CALCR: variants seen among roughly 807,000 people sequenced by gnomAD.
CALCR encodes calcitonin receptor.
In CALCR, 47 loss-of-function variants were observed where a neutral mutation model predicts 59.5. The observed-to-expected ratio is 0.79, with a 90% confidence interval of 0.63 to 1.01. The LOEUF is 1.01. Among genes scored for constraint, CALCR ranks in the 50% least tolerant of loss-of-function variants. CALCR has a pLI of 0.00. For synonymous variants in CALCR, 213 were observed against 211.3 expected (o/e 1.01, Z -0.07); for missense variants, 566 against 597.1 (o/e 0.95, Z 0.54).
At chr7:93,479,071 C>T (rs1394921350) in intron 4 of CALCR, among the ~76,000 whole-genome samples, 2 of 151,852 alleles carry the variant, frequency 1.3e-5, no homozygotes, top group African/African-American at 4.8e-5. Context: ...ACATCCCCTC[C>T]CTCACTCGGT....
chr7:93,486,958 C>T lies in CALCR; in HGVS notation c.24G>A (p.Arg8=). 2 of 1,599,752 alleles carry T rather than the reference C, an allele frequency of 1.3e-6. No homozygotes were observed. Among genetic ancestry groups the T allele is most frequent in the Non-Finnish European group, 1.7e-6 (2 of 1,169,970 alleles). The stretch of plus-strand genomic sequence containing the variant: ...TTAGAAGAAGAAACAGTGCCAAGCA[C>T]CGGCTTGTAAATGTGAACCTCATTT... MRFTFTS[R]CLALFLLLNH... is the part of the protein sequence containing the mutation. Residue 8 remains arginine, a synonymous_variant, in exon 3 of 14, where the codon CGG becomes CGA. Transcript: ENST00000426151.
intron 7 of CALCR, among the ~76,000 whole-genome samples, chr7:93,466,450 A>G (rs1800442565): frequency 6.6e-6 from 1 of 151,932 alleles, no homozygotes; most frequent in Non-Finnish European, 1.5e-5. Flanking sequence ...GATGCCCTTT[A>G]TATTTTTAGT....
intron 2 of CALCR, among the ~76,000 whole-genome samples, chr7:93,515,398 C>T (rs1270705514): frequency 6.6e-6 from 1 of 151,908 alleles, no homozygotes; most frequent in Non-Finnish European, 1.5e-5. Context: ...AAGCAGGGAC[C>T]TTTCGTTTTG....
chr7:93,439,358 A>G (rs1799849769), intron 9 of CALCR, among the ~76,000 whole-genome samples: 1 of 152,158 alleles, frequency 6.6e-6, no homozygotes, highest in Non-Finnish European at 1.5e-5. Context: ...GTTCTAACAT[A>G]CCATTTTCCC....
intron 12 of CALCR, among the ~76,000 whole-genome samples, chr7:93,435,508 G>T (rs1438550486): frequency 6.6e-6 from 1 of 152,082 alleles, no homozygotes; most frequent in Non-Finnish European, 1.5e-5. Context: ...AGGCTTAAAT[G>T]TTATGACATT....
chr7:93,506,183 G>A (rs1338595878), intron 2 of CALCR, among the ~76,000 whole-genome samples: 2 of 152,182 alleles, frequency 1.3e-5, no homozygotes, highest in East Asian at 1.9e-4. Flanking sequence ...ATGAGATGAC[G>A]AACCCCAGTT....
At chr7:93,536,783 T>C (rs896792048) in intron 2 of CALCR, among the ~76,000 whole-genome samples, 1 of 151,838 alleles carries the variant, frequency 6.6e-6, no homozygotes, top group Non-Finnish European at 1.5e-5. Flanking sequence ...TTTTTTCTTT[T>C]GGGTCATTCT....
At position 93,424,678 on chromosome 7, in the gene CALCR, A is replaced by T. The variant is rs1343788395; in HGVS notation, c.*1678T>A. The T allele has an allele frequency of 6.6e-6, 1 of 152,592 alleles. No individual in the cohort carries two copies. The highest frequency in any genetic ancestry group is 1.5e-5 in the Non-Finnish European group (1 of 68,006). The allele number at this position is 152,592 out of a possible 1,614,324, so 9.5% of individuals were successfully genotyped here. A position where few individuals can be genotyped will look rare whatever the true frequency, so the allele number is the denominator to read the frequency against. On this transcript the variant is annotated 3_prime_UTR_variant, in exon 14 of 14. Coordinates refer to ENST00000426151, the MANE Select transcript of CALCR (RefSeq NM_001742.4). ...ACCCCTACTATATTAGCATAATAAC[A>T]TCTAAAATATTTTAGCAATATATTA...
intron 3 of CALCR, among the ~76,000 whole-genome samples, chr7:93,480,975 A>T (rs554841086): frequency 6.6e-6 from 1 of 151,998 alleles, no homozygotes; most frequent in East Asian, 2.0e-4. Context: ...AGACTGCATT[A>T]TCTGAATCTT....
chr7:93,547,690 C>T (rs139838856), intron 2 of CALCR, among the ~76,000 whole-genome samples: 7 of 152,278 alleles, frequency 4.6e-5, no homozygotes, highest in South Asian at 2.1e-4. Context: ...GATAATCCCA[C>T]GCAATTATGT....
chr7:93,499,852 A>G lies in CALCR; in HGVS notation c.-26-12845T>C, dbSNP rs2115995699. ...GTTTTAAAATATTTATGTAGAAGTC[A>G]ATGCCACATACATACGAAACCATTC... On this transcript the variant is annotated intron_variant, in intron 2 of 13. Coordinates refer to ENST00000426151, the MANE Select transcript of CALCR (RefSeq NM_001742.4). Among the ~76,000 whole-genome samples the G allele has an allele frequency of 1.3e-5, 2 of 152,042 alleles. 1 individual carries two copies. Among genetic ancestry groups the G allele is most frequent in the South Asian group, 4.1e-4 (2 of 4,830 alleles).
At chr7:93,450,353 T>C (rs1261808820) in intron 8 of CALCR, among the ~76,000 whole-genome samples, 4 of 152,006 alleles carry the variant, frequency 2.6e-5, no homozygotes, top group African/African-American at 9.7e-5. Flanking sequence ...TTAGATCATC[T>C]TTTCATTCAT....
chr7:93,512,289 C>A (rs992158874), intron 2 of CALCR, among the ~76,000 whole-genome samples: 1 of 152,066 alleles, frequency 6.6e-6, no homozygotes, highest in African/African-American at 2.4e-5. Context: ...TACGTTGCAT[C>A]TTCATTTTAT....
At chr7:93,452,235 G>A (rs1321929707) in intron 8 of CALCR, among the ~76,000 whole-genome samples, 1 of 151,998 alleles carries the variant, frequency 6.6e-6, no homozygotes, top group Non-Finnish European at 1.5e-5. Context: ...AGTCTCCTCA[G>A]TACTTGTTGC....
intron 9 of CALCR, among the ~76,000 whole-genome samples, chr7:93,440,961 T>G (rs1799889361): frequency 6.6e-6 from 1 of 152,024 alleles, no homozygotes; most frequent in African/African-American, 2.4e-5. Flanking sequence ...CATAAACAAT[T>G]TACTTATTAT....
chr7:93,462,257 T>A, intron 7 of CALCR: 1 of 517,046 alleles, frequency 1.9e-6, no homozygotes, highest in Non-Finnish European at 3.4e-6. Context: ...TAAACAGGTA[T>A]AGGATGTAGA....
intron 2 of CALCR, among the ~76,000 whole-genome samples, chr7:93,539,951 C>T (rs1242312435): frequency 6.6e-6 from 1 of 152,148 alleles, no homozygotes; most frequent in African/African-American, 2.4e-5. Flanking sequence ...GAGGAGCATA[C>T]AGCAGCAGAG....
At chr7:93,512,154 C>T (rs923116248) in intron 2 of CALCR, among the ~76,000 whole-genome samples, 1 of 152,150 alleles carries the variant, frequency 6.6e-6, no homozygotes. Context: ...GAATAATGTT[C>T]AATCTTCTTA....
intron 9 of CALCR, among the ~76,000 whole-genome samples, chr7:93,439,960 A>G (rs915613361): frequency 9.9e-5 from 15 of 152,114 alleles, no homozygotes; most frequent in Non-Finnish European, 2.2e-4. Flanking sequence ...TGAAAGAACC[A>G]TTCTTTGATT....
Sources: gnomAD v4.1 joint callset for allele counts (sites outside exome capture counted in the v4.1 genomes callset) on GRCh38, gnomAD v4.1.1 for gene constraint, MANE v1.5 for transcripts, NCBI Gene and HGNC (gene_info 2026-07-23, HGNC 2026-07-21) for gene names.